SMARCC1: variants seen among roughly 807,000 people sequenced by gnomAD.
SMARCC1 encodes the protein SWI/SNF complex subunit SMARCC1.
In SMARCC1, 43 loss-of-function variants were observed where a neutral mutation model predicts 147.4. The ratio of observed to expected loss-of-function variants is 0.29; its 90% CI spans 0.23 to 0.38. The LOEUF is 0.38. Among genes scored for constraint, SMARCC1 ranks in the 10% least tolerant of loss-of-function variants. The probability of loss-of-function intolerance (pLI) is 1.00; values close to 1 mark genes in which losing one functional copy is unlikely to be tolerated. For synonymous variants in SMARCC1, 495 were observed against 484.4 expected (o/e 1.02, Z -0.29); for missense variants, 1,119 against 1,381.1 (o/e 0.81, Z 3.01).
intron 6 of SMARCC1, among the ~76,000 whole-genome samples, chr3:47,725,715 G>T (rs570424647): frequency 1.3e-5 from 2 of 150,864 alleles, no homozygotes; most frequent in Non-Finnish European, 3.0e-5. Context: ...GCATCCCAAA[G>T]TGCTGGGATT....
chr3:47,648,332 C>CT (rs932132337), intron 21 of SMARCC1, among the ~76,000 whole-genome samples: 3 of 152,046 alleles, frequency 2.0e-5, no homozygotes, highest in South Asian at 2.1e-4. Flanking sequence ...TCAAATACTA[C>CT]TTTTTTTTGT....
At chr3:47,674,054 G>A (rs2033538632) in intron 18 of SMARCC1, among the ~76,000 whole-genome samples, 1 of 152,112 alleles carries the variant, frequency 6.6e-6, no homozygotes, top group Non-Finnish European at 1.5e-5. Flanking sequence ...TCAAATTATA[G>A]TTTACCCTGA....
Position 47,778,049 on chromosome 3 carries a change from T to C in SMARCC1, c.195+3554A>G, listed in dbSNP as rs1439949486. Among the ~76,000 whole-genome samples the C allele has an allele frequency of 3.3e-5, 5 of 151,030 alleles. No homozygotes were observed. The South Asian group carries it at 8.4e-4, about 25-fold the overall frequency. On this transcript the variant is annotated intron_variant, in intron 1 of 27. Coordinates refer to ENST00000254480, the MANE Select transcript of SMARCC1 (RefSeq NM_003074.4). ...GGTGAAACCCCAGCTCTACTAAAAA[T>C]AACAAAAATTAGCAGAGCGTGGTGG...
chr3:47,589,829 T>A (rs1285846719), intron 27 of SMARCC1, among the ~76,000 whole-genome samples: 2 of 152,240 alleles, frequency 1.3e-5, no homozygotes, highest in African/African-American at 4.8e-5. Context: ...CTAAAGCTCC[T>A]ACAGAGCAAG....
intron 2 of SMARCC1, among the ~76,000 whole-genome samples, chr3:47,766,977 C>G (rs1461616219): frequency 1.3e-5 from 2 of 151,794 alleles, no homozygotes; most frequent in East Asian, 3.9e-4. Context: ...GAGGTCAGAT[C>G]AAGACCATCC....
At chr3:47,675,626 T>C in intron 17 of SMARCC1, 38 bp from the exon 18 acceptor site, 1 of 1,131,372 alleles carries the variant, frequency 8.8e-7, no homozygotes, top group Middle Eastern at 2.1e-4. Flanking sequence ...AGTTAGCCTC[T>C]TTAAAGTCAA....
rs145561986 is a variant in SMARCC1, at chr3:47,651,440, C to T, written c.2320+9854G>A. Reference sequence around the variant, plus strand: ...ATCTCATATGACCTCCCCTCCCCCACCAATCGAGCTATTATAACTTTACAT... The same window carrying T: ...ATCTCATATGACCTCCCCTCCCCCATCAATCGAGCTATTATAACTTTACAT... On this transcript the variant is annotated intron_variant, in intron 21 of 27. Coordinates refer to ENST00000254480, the MANE Select transcript of SMARCC1 (RefSeq NM_003074.4). Among the ~76,000 whole-genome samples, 436 of 152,322 alleles carry T rather than the reference C, an allele frequency of 2.9e-3. 2 individuals are homozygous for T. The highest frequency in any genetic ancestry group is 4.6e-3 in the Non-Finnish European group (316 of 68,038).
chr3:47,633,755 A>AG (rs2032923918), intron 24 of SMARCC1, among the ~76,000 whole-genome samples: 1 of 49,438 alleles, frequency 2.0e-5, no homozygotes, highest in African/African-American at 5.5e-5. Context: ...AAAAAAAAAA[A>AG]AAAAAAAAAT....
rs770285548 is a variant in SMARCC1, at chr3:47,736,098, T to C, written c.512A>G (p.Tyr171Cys). The change falls in exon 5 of 28, where the codon TAC becomes TGC. Residue 171 changes from tyrosine (Y) to cysteine (C), a missense_variant. Tyr to Cys is a radical substitution (Grantham distance 194). Transcript: ENST00000254480. ...CTTCAGATCAATGTCTGGAATGAGG[T>C]AGATGTTGGGTCTGGTCAAACAATT... ...QNNCLTRPNI[Y>C]LIPDIDLKLA... 33 of 1,597,970 alleles carry C rather than the reference T, an allele frequency of 2.1e-5. No homozygotes were observed. Among genetic ancestry groups the C allele is most frequent in the Admixed American group, 3.5e-5 (2 of 56,782 alleles).
chr3:47,609,951 T>A, intron 26 of SMARCC1, 115 bp downstream of exon 26: 1 of 1,126,418 alleles, frequency 8.9e-7, no homozygotes, highest in Non-Finnish European at 1.3e-6. Context: ...TAGATGACAA[T>A]GAAAATTTTG....
At chr3:47,598,244 ATT>A (rs986751156) in intron 26 of SMARCC1, among the ~76,000 whole-genome samples, 1 of 152,100 alleles carries the variant, frequency 6.6e-6, no homozygotes, top group Admixed American at 6.5e-5. Flanking sequence ...ACAGGAGATG[ATT>A]TTGTTGCTGC....
chr3:47,600,341 A>AAGCAACTCAGCACTGGTGTACCCC (rs1434577060), intron 26 of SMARCC1, among the ~76,000 whole-genome samples: 1 of 152,210 alleles, frequency 6.6e-6, no homozygotes, highest in Non-Finnish European at 1.5e-5. Context: ...GTCAGATGCT[A>AAGCAACTCAGCACTGGTGTACCCC]AGCAACTCAG....
intron 2 of SMARCC1, among the ~76,000 whole-genome samples, chr3:47,765,267 CA>C (rs1260273583): frequency 2.9e-4 from 38 of 131,438 alleles, no homozygotes; most frequent in Admixed American, 3.1e-4. Flanking sequence ...CAAAAACATA[CA>C]AAAAAAAAAA....
chr3:47,768,025 G>T (rs1408831757), intron 2 of SMARCC1, among the ~76,000 whole-genome samples: 2 of 151,910 alleles, frequency 1.3e-5, no homozygotes, highest in East Asian at 3.9e-4. Flanking sequence ...GTATTTCTTT[G>T]TAGAGACGGG....
chr3:47,639,035 A>G (rs2033012837), intron 21 of SMARCC1, among the ~76,000 whole-genome samples: 2 of 152,202 alleles, frequency 1.3e-5, no homozygotes, highest in Admixed American at 6.5e-5. Context: ...AATTATACAG[A>G]AAGCAGATTC....
chr3:47,693,498 T>C (rs1488439932), intron 11 of SMARCC1, among the ~76,000 whole-genome samples, 198 bp from the exon 12 acceptor site: 1 of 152,220 alleles, frequency 6.6e-6, no homozygotes, highest in Non-Finnish European at 1.5e-5. Flanking sequence ...AAGCACCATA[T>C]AGTTTCATCA....
At chr3:47,667,894 G>A (rs1334156065) in intron 19 of SMARCC1, among the ~76,000 whole-genome samples, 1 of 151,924 alleles carries the variant, frequency 6.6e-6, no homozygotes, top group Non-Finnish European at 1.5e-5. Flanking sequence ...AAGAAACTGT[G>A]AACCCAGTAC....
chr3:47,708,693 GA>G lies in SMARCC1; in HGVS notation c.918+1989del, dbSNP rs202097144. On this transcript the variant is annotated intron_variant, in intron 9 of 27. Coordinates refer to ENST00000254480, the MANE Select transcript of SMARCC1 (RefSeq NM_003074.4). Reference sequence around the variant, plus strand: ...TCCTCAGCACCATAAGACAGTGGTGGAAAAAAAAAATTTTGAATAGTCCAAT... The same window carrying G: ...TCCTCAGCACCATAAGACAGTGGTGGAAAAAAAAATTTTGAATAGTCCAAT... Among the ~76,000 whole-genome samples the G allele has an allele frequency of 4.0e-5, 6 of 149,762 alleles. No individual in the cohort carries two copies. The East Asian group carries it at 5.8e-4, about 15-fold the overall frequency.
chr3:47,641,089 C>T (rs567870098), intron 21 of SMARCC1, among the ~76,000 whole-genome samples: 1 of 152,162 alleles, frequency 6.6e-6, no homozygotes, highest in Non-Finnish European at 1.5e-5. Context: ...CTGAAAGATG[C>T]CAACAGTATT....
Sources: allele counts gnomAD v4.1 joint callset (sites outside exome capture counted in the v4.1 genomes callset), GRCh38; gene constraint gnomAD v4.1.1; transcripts MANE v1.5; gene names NCBI Gene and HGNC (gene_info 2026-07-23, HGNC 2026-07-21).